SRGAP1: variants seen among roughly 807,000 people sequenced by gnomAD.
SRGAP1 encodes the protein SLIT-ROBO Rho GTPase activating protein 1, also known as SLIT-ROBO Rho GTPase-activating protein 1.
Under a neutral mutation model 121.9 loss-of-function variants are expected in SRGAP1, and 43 were observed. The ratio of observed to expected loss-of-function variants is 0.35; its 90% CI spans 0.28 to 0.46. The LOEUF (loss-of-function observed/expected upper bound fraction) is 0.46, where lower values mean the gene tolerates loss of function less well. SRGAP1 is among the 20% of genes least tolerant of loss of function. The pLI, the probability that SRGAP1 is intolerant of heterozygous loss-of-function variation, is 1.00. For synonymous variants in SRGAP1, 447 were observed against 485.4 expected (o/e 0.92, Z 1.04); for missense variants, 1,102 against 1,350.9 (o/e 0.82, Z 2.89).
At chr12:63,990,254 C>T (rs1327527616) in intron 3 of SRGAP1, among the ~76,000 whole-genome samples, 182 bp downstream of exon 3, 1 of 152,186 alleles carries the variant, frequency 6.6e-6, no homozygotes, top group Non-Finnish European at 1.5e-5. Context: ...AAAAATTAGG[C>T]CGGGCGTGGT....
intron 1 of SRGAP1, among the ~76,000 whole-genome samples, chr12:63,925,709 T>C (rs2031235321): frequency 1.3e-5 from 2 of 152,192 alleles, no homozygotes; most frequent in African/African-American, 2.4e-5. Context: ...AATTATTGAT[T>C]GCTGCGCTTA....
At chr12:64,084,367 GTTT>G (rs1555172691) in intron 10 of SRGAP1, among the ~76,000 whole-genome samples, 1 of 61,254 alleles carries the variant, frequency 1.6e-5, no homozygotes, top group Non-Finnish European at 3.9e-5. Flanking sequence ...GTGGTCCGTT[GTTT>G]TTAATAATTA....
chr12:64,144,836 C>CGTTTTTTTTT lies in SRGAP1; in HGVS notation c.*2164_*2165insGTTTTTTTTT, dbSNP rs2037024646. The CGTTTTTTTTT allele has an allele frequency of 1.3e-5, 1 of 79,450 alleles. No homozygotes were observed. The highest frequency in any genetic ancestry group is 2.2e-5 in the Non-Finnish European group (1 of 44,844). The allele number at this position is 79,450 out of a possible 1,614,324, so 4.9% of individuals were successfully genotyped here. On this transcript the variant is annotated 3_prime_UTR_variant, in exon 22 of 22. Coordinates refer to ENST00000355086, the MANE Select transcript of SRGAP1 (RefSeq NM_020762.4). ...TTAAACTTTCCAAAATAATCCCCCACTTTTTTTTTTTTTTTTTTTTTTTTT... is the reference window on the plus strand; with the variant it reads ...TTAAACTTTCCAAAATAATCCCCCACGTTTTTTTTTTTTTTTTTTTTTTTTTTTTTTTTTT...
intron 4 of SRGAP1, chr12:64,032,529 C>T: frequency 1.7e-6 from 2 of 1,204,926 alleles, no homozygotes. Flanking sequence ...TGGGCCAGCA[C>T]AGAGTGACCC....
At chr12:64,012,551 C>CTTTTTTTTTT (rs386376760) in intron 3 of SRGAP1, among the ~76,000 whole-genome samples, 21 of 77,676 alleles carry the variant, frequency 2.7e-4, no homozygotes, top group African/African-American at 3.5e-4. Flanking sequence ...AAGTTATTAT[C>CTTTTTTTTTT]TTTTTTTTTT....
At chr12:64,048,595 C>T (rs768555212) in intron 6 of SRGAP1, among the ~76,000 whole-genome samples, 21 of 152,118 alleles carry the variant, frequency 1.4e-4, no homozygotes, top group Non-Finnish European at 2.2e-4. Context: ...TCCATAGTGG[C>T]TGTACTAATT....
Position 64,151,100 on chromosome 12 carries a change from TTA to T in SRGAP1, c.*8433_*8434del, listed in dbSNP as rs769250410. 3.9e-5 allele frequency: 6 copies of T among 152,074 alleles called. No homozygotes were observed. The highest frequency in any genetic ancestry group is 5.9e-5 in the Non-Finnish European group (4 of 68,022). 9.4% of individuals were successfully genotyped at this position (152,074 alleles called of 1,614,324 possible). A position where few individuals can be genotyped will look rare whatever the true frequency, so the allele number is the denominator to read the frequency against. On this transcript the variant is annotated 3_prime_UTR_variant, in exon 22 of 22. Transcript: ENST00000355086. ...AAATTTTAAGTAAGCCAAAAATCTA[TTA>T]TATAGTCATAAGTCAAACTCAGTTA...
At chr12:63,946,292 TC>T (rs1419511562) in intron 1 of SRGAP1, among the ~76,000 whole-genome samples, 1 of 149,740 alleles carries the variant, frequency 6.7e-6, no homozygotes, top group East Asian at 1.9e-4. Flanking sequence ...TCTTTTTTTT[TC>T]TTTTTTTTTT....
At chr12:63,892,750 G>A (rs1031698726) in intron 1 of SRGAP1, among the ~76,000 whole-genome samples, 2 of 152,116 alleles carry the variant, frequency 1.3e-5, no homozygotes, top group Non-Finnish European at 2.9e-5. Context: ...TATGAGAAAC[G>A]TTATTGAGGA....
At chr12:64,014,094 A>G (rs2034333140) in intron 3 of SRGAP1, among the ~76,000 whole-genome samples, 1 of 152,218 alleles carries the variant, frequency 6.6e-6, no homozygotes. Flanking sequence ...CTATGCATGA[A>G]TCATCTTATT....
In SRGAP1 at chr12:63,991,804, C is replaced by T. The variant is rs552222509; in HGVS notation, c.426+1732C>T. On this transcript the variant is annotated intron_variant, in intron 3 of 21. Transcript: ENST00000355086. ...CTTATTCAGACAGGGCCTCTAGGAC[C>T]AGTAACTCTACTGAGTTCATTTATT... Among the ~76,000 whole-genome samples the T allele has an allele frequency of 1.2e-4, 18 of 152,294 alleles. 1 individual carries two copies. In the South Asian group the frequency reaches 3.7e-3, roughly 32 times the overall value.
At chr12:63,975,124 A>G (rs972563615) in intron 1 of SRGAP1, among the ~76,000 whole-genome samples, 2 of 152,236 alleles carry the variant, frequency 1.3e-5, no homozygotes, top group African/African-American at 2.4e-5. Context: ...CATCTGATTG[A>G]AAGCTTCCAT....
chr12:64,020,180 A>G (rs1005619140), intron 4 of SRGAP1, among the ~76,000 whole-genome samples: 1 of 152,232 alleles, frequency 6.6e-6, no homozygotes, highest in Non-Finnish European at 1.5e-5. Flanking sequence ...ATATATGCTC[A>G]GGAAGGAGAA....
chr12:64,003,436 G>A (rs1184217378), intron 3 of SRGAP1, among the ~76,000 whole-genome samples: 1 of 143,524 alleles, frequency 7.0e-6, no homozygotes, highest in African/African-American at 2.7e-5. Context: ...CAAGAAGTAA[G>A]GGTGAATACT....
rs765587555 is a variant in SRGAP1, at chr12:64,063,124, C to T, written c.1009C>T (p.His337Tyr). ...ACCAATGAAGTTTGAGTTTCAGTCT[C>T]ACATGGGTGATGAGGTCAGTAATTG... Reference protein sequence around the residue: ...CPPMKFEFQSHMGDEVCQVSA... With the variant: ...CPPMKFEFQSYMGDEVCQVSA... The change falls in exon 7 of 22, where the codon CAC (histidine) becomes TAC (tyrosine). Residue 337 changes from histidine (H) to tyrosine (Y), a missense_variant. By Grantham distance (83) the His-to-Tyr change is moderately conservative. Around this residue, in one of 3 missense-constraint regions of SRGAP1, gnomAD observed 747 missense variants for 929.4 expected, o/e 0.80. Transcript: ENST00000355086. 6.2e-7 allele frequency: 1 copy of T among 1,613,272 alleles called. No individual in the cohort carries two copies. Among genetic ancestry groups the T allele is most frequent in the Non-Finnish European group, 8.5e-7 (1 of 1,179,232 alleles).
At chr12:64,058,019 A>G (rs535095864) in intron 6 of SRGAP1, among the ~76,000 whole-genome samples, 1 of 152,324 alleles carries the variant, frequency 6.6e-6, no homozygotes, top group Non-Finnish European at 1.5e-5. Flanking sequence ...ACTAGGGCTC[A>G]TATCATGGAG....
At position 64,062,987 on chromosome 12, in the gene SRGAP1, T is replaced by C; in HGVS notation, c.872T>C (p.Leu291Pro). The C allele has an allele frequency of 2.5e-6, 4 of 1,614,062 alleles. No individual in the cohort carries two copies. The highest frequency in any genetic ancestry group is 3.4e-6 in the Non-Finnish European group (4 of 1,179,984). ...LRTYLSAEYNLETSRHEGLDI... is the reference protein window; with the variant it reads ...LRTYLSAEYNPETSRHEGLDI... Reference sequence around the variant, plus strand: ...ACATATCTGTCTGCGGAGTACAACCTTGAAACCTCCAGACATGAGGGCTTA... The same window carrying C: ...ACATATCTGTCTGCGGAGTACAACCCTGAAACCTCCAGACATGAGGGCTTA... The change falls in exon 7 of 22, where the codon CTT (leucine) becomes CCT (proline). Residue 291 changes from leucine (L) to proline (P), a missense_variant. Physicochemically the swap from Leu to Pro is moderately conservative, Grantham distance 98. Coordinates refer to ENST00000355086, the MANE Select transcript of SRGAP1 (RefSeq NM_020762.4).
At chr12:64,118,226 T>G (rs1310307263) in intron 18 of SRGAP1, among the ~76,000 whole-genome samples, 1 of 152,196 alleles carries the variant, frequency 6.6e-6, no homozygotes, top group African/African-American at 2.4e-5. Flanking sequence ...TACAAAGGTT[T>G]TAATTTCTCC....
At chr12:63,941,243 G>A (rs956061012) in intron 1 of SRGAP1, among the ~76,000 whole-genome samples, 7 of 151,738 alleles carry the variant, frequency 4.6e-5, no homozygotes, top group African/African-American at 1.7e-4. Context: ...TGGTACAACT[G>A]CCAAGATTAA....
Sources: allele counts gnomAD v4.1 joint callset (sites outside exome capture counted in the v4.1 genomes callset), GRCh38; gene constraint gnomAD v4.1.1; regional missense constraint gnomAD v4.1.1; transcripts MANE v1.5; gene names NCBI Gene and HGNC (gene_info 2026-07-23, HGNC 2026-07-21).